COTL1: variants seen among roughly 807,000 people sequenced by gnomAD.
COTL1 encodes the protein coactosin like F-actin binding protein 1.
Under a neutral mutation model 16.5 loss-of-function variants are expected in COTL1, and 15 were observed. The observed-to-expected ratio is 0.91, with a 90% confidence interval of 0.61 to 1.40. The LOEUF (loss-of-function observed/expected upper bound fraction) is 1.40. Ranked by LOEUF, COTL1 falls within the 40% of genes most tolerant of loss-of-function variation. COTL1 has a pLI of 0.00. For missense variants in COTL1, 220 were observed against 201.5 expected, an observed-to-expected ratio of 1.09 and a Z score of -0.56; for synonymous variants, 112 against 85.3, an observed-to-expected ratio of 1.31 and a Z score of -1.73.
chr16:84,590,436 CT>C lies in COTL1; in HGVS notation c.161-175del, dbSNP rs1904836415. ...AGGAGGGAAGCACTCATCCGCTGCC[CT>C]TGTCACACTCCCCTGAATCCTGGCA... On this transcript the variant is annotated intron_variant, in intron 2 of 3. Coordinates refer to ENST00000262428, the MANE Select transcript of COTL1 (RefSeq NM_021149.5). The surrounding 1 kb of genome is among the most constrained non-coding windows in gnomAD (Gnocchi z 5.5). The C allele has an allele frequency of 6.7e-6, 4 of 597,228 alleles. No homozygotes were observed. The East Asian group carries it at 1.2e-4, about 18-fold the overall frequency. 37.0% of individuals were successfully genotyped at this position (597,228 alleles called of 1,614,324 possible).
chr16:84,578,920 C>A (rs1457334093), intron 3 of COTL1, among the ~76,000 whole-genome samples: 1 of 118,388 alleles, frequency 8.4e-6, no homozygotes, highest in Non-Finnish European at 1.6e-5. Flanking sequence ...TGCATGCATA[C>A]ACACAGATAC....
At chr16:84,589,027 G>C (rs1288866766) in intron 3 of COTL1, among the ~76,000 whole-genome samples, 1 of 152,094 alleles carries the variant, frequency 6.6e-6, no homozygotes, top group Non-Finnish European at 1.5e-5. Context: ...CTGGAGTGCA[G>C]TGGTGCGATC....
chr16:84,580,666 C>T (rs1199795976), intron 3 of COTL1, among the ~76,000 whole-genome samples: 1 of 152,186 alleles, frequency 6.6e-6, no homozygotes, highest in Non-Finnish European at 1.5e-5. Flanking sequence ...CACCTGAACA[C>T]TCACCTTGGC....
At chr16:84,596,554 A>G (rs1426242083) in intron 2 of COTL1, 1 of 152,292 alleles carries the variant, frequency 6.6e-6, no homozygotes, top group Non-Finnish European at 1.5e-5. Context: ...GCCAAAGCCA[A>G]CAGCATCTTC....
chr16:84,602,472 C>G (rs951431277), intron 2 of COTL1, among the ~76,000 whole-genome samples: 1 of 151,822 alleles, frequency 6.6e-6, no homozygotes, highest in Admixed American at 6.6e-5. Flanking sequence ...ACTTCCACCC[C>G]CAGAGAGCAG....
chr16:84,594,258 G>A (rs1257478669), intron 2 of COTL1: 1 of 152,296 alleles, frequency 6.6e-6, no homozygotes, highest in Non-Finnish European at 1.5e-5. Context: ...GAAAGTGAAA[G>A]CTACAAAACC....
At chr16:84,581,978 CTTTTTTT>C (rs11332563) in intron 3 of COTL1, among the ~76,000 whole-genome samples, 5,662 of 65,934 alleles carry the variant, frequency 0.086, 409 homozygotes, top group African/African-American at 0.24. Flanking sequence ...TACATTTCTT[CTTTTTTT>C]TTTTTTTTTT....
At chr16:84,595,943 G>C (rs1049417783) in intron 2 of COTL1, 1 of 152,134 alleles carries the variant, frequency 6.6e-6, no homozygotes, top group Non-Finnish European at 1.5e-5. Context: ...ATGTGTATGT[G>C]TATGTGTGTT....
chr16:84,587,655 G>T (rs1210763664), intron 3 of COTL1, among the ~76,000 whole-genome samples: 1 of 152,050 alleles, frequency 6.6e-6, no homozygotes, highest in Non-Finnish European at 1.5e-5. Context: ...TGACCTATAG[G>T]CTGGGACCAC....
chr16:84,607,271 G>A lies in COTL1; in HGVS notation c.160+10230C>T, dbSNP rs539248891. Among the ~76,000 whole-genome samples, 17 of 152,286 alleles carry A rather than the reference G, an allele frequency of 1.1e-4. No homozygotes were observed. The East Asian group carries it at 2.1e-3, about 19-fold the overall frequency. On this transcript the variant is annotated intron_variant, in intron 2 of 3. Coordinates refer to ENST00000262428, the MANE Select transcript of COTL1 (RefSeq NM_021149.5). ...GTGTGTAGGAGTCCTCCAGGAAGGCGAAACAGATGAAGACAGTGCAGGCAG... is the reference window on the plus strand; with the variant it reads ...GTGTGTAGGAGTCCTCCAGGAAGGCAAAACAGATGAAGACAGTGCAGGCAG...
At chr16:84,576,869 T>G (rs1053285998) in intron 3 of COTL1, 9 of 152,276 alleles carry the variant, frequency 5.9e-5, no homozygotes, top group African/African-American at 2.2e-4. Context: ...GTGTGGGGAC[T>G]AGAATCTCCC....
At chr16:84,589,129 C>A (rs1342257766) in intron 3 of COTL1, among the ~76,000 whole-genome samples, 1 of 151,980 alleles carries the variant, frequency 6.6e-6, no homozygotes, top group Non-Finnish European at 1.5e-5. Context: ...TGCCACCATG[C>A]CTGGCTCATT....
chr16:84,611,896 G>A (rs1327259317), intron 2 of COTL1, among the ~76,000 whole-genome samples: 1 of 152,052 alleles, frequency 6.6e-6, no homozygotes, highest in African/African-American at 2.4e-5. Context: ...CTGTGGCCAG[G>A]TAGATCATAC....
At chr16:84,583,046 A>G (rs763119853) in intron 3 of COTL1, among the ~76,000 whole-genome samples, 3 of 152,244 alleles carry the variant, frequency 2.0e-5, no homozygotes, top group Non-Finnish European at 4.4e-5. Flanking sequence ...CAAAAGGAGC[A>G]TCCAGCCCTG....
At chr16:84,586,032 C>A (rs899597242) in intron 3 of COTL1, among the ~76,000 whole-genome samples, 1 of 152,172 alleles carries the variant, frequency 6.6e-6, no homozygotes, top group African/African-American at 2.4e-5. Context: ...GTGACCCAAG[C>A]TGGGCCAATC....
chr16:84,595,447 AC>A, intron 2 of COTL1: 1 of 152,198 alleles, frequency 6.6e-6, no homozygotes, highest in East Asian at 1.9e-4. Flanking sequence ...CCTCTCCCCA[AC>A]CCTGCTCACC....
rs1267647837 is a variant in COTL1, at chr16:84,617,614, C to T, written c.78-31G>A. 3 of 1,544,146 alleles carry T rather than the reference C, an allele frequency of 1.9e-6. No individual in the cohort carries two copies. In the South Asian group the frequency reaches 3.6e-5, roughly 18 times the overall value. ...GGTTGGGAGAAGAAAAAAACACACA[C>T]ACACATCAGCGCTGGTGGCCGCGCG... On this transcript the variant is annotated intron_variant, in intron 1 of 3. Coordinates refer to ENST00000262428, the MANE Select transcript of COTL1 (RefSeq NM_021149.5).
chr16:84,612,625 A>T (rs1905358020), intron 2 of COTL1, among the ~76,000 whole-genome samples: 1 of 152,184 alleles, frequency 6.6e-6, no homozygotes, highest in East Asian at 1.9e-4. Context: ...TCTACTAAAA[A>T]TACAAAAACT....
intron 2 of COTL1, among the ~76,000 whole-genome samples, chr16:84,604,720 C>T (rs944688937): frequency 3.3e-5 from 5 of 152,168 alleles, no homozygotes; most frequent in African/African-American, 9.7e-5. Context: ...CCAGAGGGGG[C>T]TGTGGCTGTA....
Sources: allele counts gnomAD v4.1 joint callset (sites outside exome capture counted in the v4.1 genomes callset), GRCh38; gene constraint gnomAD v4.1.1; non-coding constraint Gnocchi (gnomAD v3.1); transcripts MANE v1.5; gene names NCBI Gene and HGNC (gene_info 2026-07-23, HGNC 2026-07-21).